Variants in ZNF384 observed in about 807,000 individuals in gnomAD.
ZNF384 encodes zinc finger protein 384, also known as CAG repeat protein 1.
A neutral mutation model predicts 65.0 loss-of-function variants in ZNF384; 20 were observed. The observed-to-expected ratio is 0.31, with a 90% confidence interval of 0.22 to 0.45. ZNF384 has a LOEUF of 0.45. ZNF384 is among the 20% of genes least tolerant of loss of function. The probability of loss-of-function intolerance (pLI) is 1.00; values close to 1 mark genes in which losing one functional copy is unlikely to be tolerated. For synonymous variants in ZNF384, 310 were observed against 303.9 expected, an observed-to-expected ratio of 1.02 and a Z score of -0.21; for missense variants, 549 against 769.4, an observed-to-expected ratio of 0.71 and a Z score of 3.39.
intron 11 of ZNF384, among the ~76,000 whole-genome samples, chr12:6,668,529 C>T (rs1344470973): frequency 6.6e-6 from 1 of 151,698 alleles, no homozygotes. Context: ...ATGGTGAAAC[C>T]CCATGTCTAC....
Position 6,671,700 on chromosome 12 carries a change from G to A in ZNF384, c.1187+650C>T, listed in dbSNP as rs137927771. On this transcript the variant is annotated intron_variant, in intron 9 of 11. Coordinates refer to ENST00000683879, the MANE Select transcript of ZNF384 (RefSeq NM_001385745.1). ...GTAAGTCTGGACTCCAGTTCAACTT[G>A]AGATAGCACCAAAGATCATCACTTC... The A allele has an allele frequency of 3.5e-3, 529 of 152,510 alleles. 4 individuals carry two copies. The Middle Eastern group carries it at 0.054, about 16-fold the overall frequency. 9.4% of individuals were successfully genotyped at this position (152,510 alleles called of 1,614,324 possible).
Position 6,667,676 on chromosome 12 carries a change from T to G in ZNF384, c.*38A>C, listed in dbSNP as rs1017642173. On this transcript the variant is annotated 3_prime_UTR_variant, in exon 12 of 12. Coordinates refer to ENST00000683879, the MANE Select transcript of ZNF384 (RefSeq NM_001385745.1). ...AGTTGGAGAAAGAAGACACCAGGACTACTTCTTCCTCTTCCCAGTGGGTGG... is the reference window on the plus strand; with the variant it reads ...AGTTGGAGAAAGAAGACACCAGGACGACTTCTTCCTCTTCCCAGTGGGTGG... 2.5e-6 allele frequency: 4 copies of G among 1,613,126 alleles called. No homozygotes were observed. The highest frequency in any genetic ancestry group is 2.2e-5 in the East Asian group (1 of 44,896).
chr12:6,679,174 T>A lies in ZNF384; in HGVS notation c.76A>T (p.Thr26Ser). 2 of 1,579,334 alleles carry A rather than the reference T, an allele frequency of 1.3e-6. No homozygotes were observed. The highest frequency in any genetic ancestry group is 1.3e-5 in the African/African-American group (1 of 74,074). The change falls in exon 4 of 12, where the codon ACA becomes TCA. Residue 26 changes from threonine (T) to serine (S), a missense_variant. Transcript: ENST00000683879. Reference sequence around the variant, plus strand: ...TCCTTCATCTTGTTGATGAACATTGTGTTCTCGATCTAAGAGAAAAGGAAG... The same window carrying A: ...TCCTTCATCTTGTTGATGAACATTGAGTTCTCGATCTAAGAGAAAAGGAAG... ...IPTVSGQIEN[T>S]MFINKMKDQL...
In ZNF384 at chr12:6,668,011, T is replaced by TTGAGCC; in HGVS notation, c.1524_1529dup (p.Gln526_Ala527dup). On this transcript the variant is annotated inframe_insertion, in exon 12 of 12. Coordinates refer to ENST00000683879, the MANE Select transcript of ZNF384 (RefSeq NM_001385745.1). The stretch of plus-strand genomic sequence containing the variant: ...CCTGAGCCTGAGCCTGGGCTTGAGC[T>TTGAGCC]TGAGCCTGGGCCTGGGCCACTGCTG... The TTGAGCC allele has an allele frequency of 6.2e-7, 1 of 1,612,736 alleles. No homozygotes were observed. The highest frequency in any genetic ancestry group is 1.7e-5 in the Admixed American group (1 of 59,962).
rs1446001570 is a variant in ZNF384 at position 6,672,299 on chromosome 12, G to A, written c.1187+51C>T. The A allele has an allele frequency of 9.6e-6, 15 of 1,565,040 alleles. No homozygotes were observed. Among genetic ancestry groups the A allele is most frequent in the Non-Finnish European group, 1.3e-5 (15 of 1,152,670 alleles). On this transcript the variant is annotated intron_variant, in intron 9 of 11. Transcript: ENST00000683879. The surrounding 1 kb of genome is among the most constrained non-coding windows in gnomAD (Gnocchi z 4.4). ...TGTTGTGTGTGTCCGGGGCGGGGGT[G>A]GGGAGGGCATGCCAGCGGGGCGGGG...
rs1471160822 is a variant in ZNF384 at position 6,678,474 on chromosome 12, A to T, written c.353-14T>A. 1.9e-6 allele frequency: 3 copies of T among 1,568,354 alleles called. No homozygotes were observed. In the South Asian group the frequency reaches 3.5e-5, roughly 18 times the overall value. ...CCAAACCCGGACCTAGGATTGGGAG[A>T]AAAAGGAGATGGCGTCATGTTGTTC... On this transcript the variant is annotated splice_polypyrimidine_tract_variant and intron_variant, in intron 5 of 11. Coordinates refer to ENST00000683879, the MANE Select transcript of ZNF384 (RefSeq NM_001385745.1). This position sits in a 1 kb window ranked among gnomAD's most constrained non-coding sequence, Gnocchi z 4.9.
At position 6,673,461 on chromosome 12, in the gene ZNF384, G is replaced by A. The variant is rs1952299210; in HGVS notation, c.780-21C>T. ...GGCACCTGAGCCAAGTGAGGGCAAT[G>A]GTTAGAACCCTTCCCATCAAGAAGG... On this transcript the variant is annotated intron_variant, in intron 7 of 11. Coordinates refer to ENST00000683879, the MANE Select transcript of ZNF384 (RefSeq NM_001385745.1). The surrounding 1 kb of genome is among the most constrained non-coding windows in gnomAD (Gnocchi z 4.7). 3.1e-6 allele frequency: 5 copies of A among 1,608,748 alleles called. No individual in the cohort carries two copies. The East Asian group carries it at 8.9e-5, about 29-fold the overall frequency.
At chr12:6,676,951 A>G (rs1486883305) in intron 7 of ZNF384, among the ~76,000 whole-genome samples, 2 of 152,224 alleles carry the variant, frequency 1.3e-5, no homozygotes, top group Non-Finnish European at 2.9e-5. Context: ...ATTTATAAAG[A>G]GCGGTTTAAA....
intron 9 of ZNF384, 58 bp from the exon 10 acceptor site, chr12:6,670,896 C>A (rs1004574619): frequency 6.7e-7 from 1 of 1,501,218 alleles, no homozygotes; most frequent in African/African-American, 1.4e-5. Context: ...TAGGAACTGG[C>A]TCAACAAATC....
intron 9 of ZNF384, chr12:6,671,980 G>C (rs935703729): frequency 6.8e-5 from 14 of 207,222 alleles, no homozygotes; most frequent in Admixed American, 1.1e-4. Context: ...TAGAGGTATG[G>C]TCTTCTCCAC....
Position 6,673,861 on chromosome 12 carries a change from T to C in ZNF384, c.780-421A>G, listed in dbSNP as rs978125810. On this transcript the variant is annotated intron_variant, in intron 7 of 11. Coordinates refer to ENST00000683879, the MANE Select transcript of ZNF384 (RefSeq NM_001385745.1). The surrounding 1 kb of genome is among the most constrained non-coding windows in gnomAD (Gnocchi z 4.7). Reference sequence around the variant, plus strand: ...TGTATTCCTCAAGACCCCGAGATGATAATGAGGAACAACTAACTGGATCCT... The same window carrying C: ...TGTATTCCTCAAGACCCCGAGATGACAATGAGGAACAACTAACTGGATCCT... Among the ~76,000 whole-genome samples the C allele has an allele frequency of 3.9e-5, 6 of 152,198 alleles. No individual in the cohort carries two copies. The highest frequency in any genetic ancestry group is 7.2e-5 in the African/African-American group (3 of 41,446).
chr12:6,678,465 G>C lies in ZNF384; in HGVS notation c.353-5C>G. The C allele has an allele frequency of 1.3e-6, 2 of 1,574,196 alleles. No homozygotes were observed. The highest frequency in any genetic ancestry group is 2.7e-5 in the African/African-American group (2 of 74,210). On this transcript the variant is annotated splice_region_variant and splice_polypyrimidine_tract_variant and intron_variant, in intron 5 of 11. Coordinates refer to ENST00000683879, the MANE Select transcript of ZNF384 (RefSeq NM_001385745.1). This position sits in a 1 kb window ranked among gnomAD's most constrained non-coding sequence, Gnocchi z 4.9. Reference sequence around the variant, plus strand: ...ACGTGATTACCAAACCCGGACCTAGGATTGGGAGAAAAAGGAGATGGCGTC... The same window carrying C: ...ACGTGATTACCAAACCCGGACCTAGCATTGGGAGAAAAAGGAGATGGCGTC...
intron 2 of ZNF384, among the ~76,000 whole-genome samples, chr12:6,686,454 A>G (rs1592427370): frequency 2.0e-5 from 3 of 152,180 alleles, no homozygotes; most frequent in South Asian, 4.1e-4. Flanking sequence ...GGATTTTGCT[A>G]TGTTGGCCAG....
At chr12:6,669,933 C>T (rs564771675) in intron 10 of ZNF384, among the ~76,000 whole-genome samples, 10 of 136,780 alleles carry the variant, frequency 7.3e-5, no homozygotes, top group East Asian at 3.9e-4. Flanking sequence ...AACACGCACA[C>T]GCGCGCGCGC....
rs905012703 is a variant in ZNF384 at position 6,673,884 on chromosome 12, C to T, written c.780-444G>A. On this transcript the variant is annotated intron_variant, in intron 7 of 11. Transcript: ENST00000683879. The surrounding 1 kb of genome is among the most constrained non-coding windows in gnomAD (Gnocchi z 4.7). Reference sequence around the variant, plus strand: ...GATAATGAGGAACAACTAACTGGATCCTCTCCTGTCTCCATAGATAATTTT... The same window carrying T: ...GATAATGAGGAACAACTAACTGGATTCTCTCCTGTCTCCATAGATAATTTT... Among the ~76,000 whole-genome samples the T allele has an allele frequency of 6.6e-6, 1 of 152,122 alleles. No homozygotes were observed. Among genetic ancestry groups the T allele is most frequent in the Admixed American group, 6.5e-5 (1 of 15,280 alleles).
intron 6 of ZNF384, among the ~76,000 whole-genome samples, 175 bp from the exon 7 acceptor site, chr12:6,677,434 G>A (rs569103544): frequency 7.2e-4 from 110 of 152,292 alleles, no homozygotes; most frequent in Non-Finnish European, 9.3e-4. Context: ...AGTTCTCAAA[G>A]GGATTAAAAG....
chr12:6,669,932 ACGCGCGCGCG>A (rs67939669), intron 10 of ZNF384, among the ~76,000 whole-genome samples: 6,667 of 151,842 alleles, frequency 0.044, 180 homozygotes, highest in Middle Eastern at 0.069. Flanking sequence ...AAACACGCAC[ACGCGCGCGCG>A]CACACACACA....
Position 6,673,523 on chromosome 12 carries a change from C to G in ZNF384, c.780-83G>C, listed in dbSNP as rs1952339860. The G allele has an allele frequency of 2.4e-6, 3 of 1,246,044 alleles. No individual in the cohort carries two copies. Among genetic ancestry groups the G allele is most frequent in the Non-Finnish European group, 3.4e-6 (3 of 882,348 alleles). The allele number at this position is 1,246,044 out of a possible 1,614,324, so 77.2% of individuals were successfully genotyped here. ...CCTCCCCTCTACTTCCAAGAGAAGC[C>G]CACCTATCTGAGGTCTCTCCTACTC... On this transcript the variant is annotated intron_variant, in intron 7 of 11. Coordinates refer to ENST00000683879, the MANE Select transcript of ZNF384 (RefSeq NM_001385745.1). The surrounding 1 kb of genome is among the most constrained non-coding windows in gnomAD (Gnocchi z 4.7).
At position 6,667,315 on chromosome 12, in the gene ZNF384, T is replaced by C. The variant is rs954612669; in HGVS notation, c.*399A>G. On this transcript the variant is annotated 3_prime_UTR_variant, in exon 12 of 12. Transcript: ENST00000683879. Reference sequence around the variant, plus strand: ...TGCATTTGGGGCTCCCTTTTCTCTGTTATCTGGGAGGGCCAGCCTCTAGTC... The same window carrying C: ...TGCATTTGGGGCTCCCTTTTCTCTGCTATCTGGGAGGGCCAGCCTCTAGTC... 2.7e-6 allele frequency: 1 copy of C among 374,272 alleles called. No homozygotes were observed. The highest frequency in any genetic ancestry group is 5.0e-6 in the Non-Finnish European group (1 of 198,748). 23.2% of individuals were successfully genotyped at this position (374,272 alleles called of 1,614,324 possible).
Sources: allele counts gnomAD v4.1 joint callset (sites outside exome capture counted in the v4.1 genomes callset), GRCh38; gene constraint gnomAD v4.1.1; non-coding constraint Gnocchi (gnomAD v3.1); transcripts MANE v1.5; gene names NCBI Gene and HGNC (gene_info 2026-07-23, HGNC 2026-07-21).